Variants in SDF4 observed in about 807,000 individuals in gnomAD.
The protein encoded by SDF4 is 45 kDa calcium-binding protein.
In SDF4, 22 loss-of-function variants were observed where a neutral mutation model predicts 34.2. The observed-to-expected ratio is 0.64, with a 90% CI of 0.46 to 0.92. The LOEUF is 0.92. Ranked by LOEUF, SDF4 falls within the 40% of genes least tolerant of loss-of-function variation. The pLI is 0.00. For missense variants in SDF4, 447 were observed against 499.9 expected (o/e 0.89, Z 1.01); for synonymous variants, 236 against 203.1 (o/e 1.16, Z -1.38).
At chr1:1,224,094 A>C in intron 2 of SDF4, 126 bp from the exon 3 acceptor site, 6 of 1,506,610 alleles carry the variant, frequency 4.0e-6, no homozygotes, top group East Asian at 2.4e-5. Flanking sequence ...GACAGGCTCC[A>C]CCAGGCAACG....
intron 4 of SDF4, chr1:1,221,328 C>T (rs1277627111): frequency 6.4e-6 from 1 of 155,538 alleles, no homozygotes; most frequent in East Asian, 1.9e-4. Context: ...CCGAGCGGGT[C>T]ACTTGAACCC....
intron 2 of SDF4, among the ~76,000 whole-genome samples, chr1:1,226,677 C>T (rs376399443): frequency 2.3e-4 from 35 of 152,348 alleles, no homozygotes; most frequent in African/African-American, 8.2e-4. Context: ...GCGCAGGAGT[C>T]AGGGAGACCC....
Position 1,218,911 on chromosome 1 carries a change from C to T in SDF4, c.573G>A (p.Glu191=). Residue 191 remains glutamate (E), a synonymous_variant, in exon 5 of 7, where the codon GAG becomes GAA. Transcript: ENST00000360001. This position sits in a 1 kb window ranked among gnomAD's most constrained non-coding sequence, Gnocchi z 7.9. ...KVDEETQEVL[E]NLKDRWYQAD... The stretch of plus-strand genomic sequence containing the variant: ...CCTGGTACCAGCGGTCCTTCAGGTT[C>T]TCCAGGACTTCCTGTGCTGAGAGGG... 5.6e-6 allele frequency: 9 copies of T among 1,604,412 alleles called. 1 individual carries two copies. In the South Asian group the frequency reaches 8.9e-5, roughly 16 times the overall value.
chr1:1,217,409 G>A lies in SDF4; in HGVS notation c.*103C>T, dbSNP rs1466454986. ...GCCGCGGTCGGTCGGCCGGTGGCGG[G>A]CGGCAGGGAAGAGGTGGGGTCCGGG... On this transcript the variant is annotated 3_prime_UTR_variant, in exon 7 of 7. Coordinates refer to ENST00000360001, the MANE Select transcript of SDF4 (RefSeq NM_016176.6). This position sits in a 1 kb window ranked among gnomAD's most constrained non-coding sequence, Gnocchi z 8.5. 7.6e-5 allele frequency: 80 copies of A among 1,048,816 alleles called. No individual in the cohort carries two copies. The highest frequency in any genetic ancestry group is 9.4e-5 in the Non-Finnish European group (76 of 812,536). 65.0% of individuals were successfully genotyped at this position (1,048,816 alleles called of 1,614,324 possible). A position where few individuals can be genotyped will look rare whatever the true frequency, so the allele number is the denominator to read the frequency against.
chr1:1,220,529 A>C, intron 4 of SDF4: 1 of 1,221,072 alleles, frequency 8.2e-7, no homozygotes, highest in Non-Finnish European at 1.0e-6. Flanking sequence ...CCAAATACCC[A>C]AAGAGGTCGG....
Position 1,228,551 on chromosome 1 carries a change from G to A in SDF4, c.222C>T (p.Val74=), listed in dbSNP as rs748359705. Residue 74 remains valine, a synonymous_variant, in exon 2 of 7, where the codon GTC becomes GTT. Coordinates refer to ENST00000360001, the MANE Select transcript of SDF4 (RefSeq NM_016176.6). Reference sequence around the variant, plus strand: ...AGCCACCCAGGTCCTTGCCTAGGAAGACCTCCTGGTGGAAGCCGCGATTGA... The same window carrying A: ...AGCCACCCAGGTCCTTGCCTAGGAAAACCTCCTGGTGGAAGCCGCGATTGA... ...GHLNRGFHQE[V]FLGKDLGGFD... 2 of 1,613,064 alleles carry A rather than the reference G, an allele frequency of 1.2e-6. No homozygotes were observed. The highest frequency in any genetic ancestry group is 1.7e-6 in the Non-Finnish European group (2 of 1,179,998).
At chr1:1,231,209 G>A (rs1038473907) in intron 1 of SDF4, among the ~76,000 whole-genome samples, 1 of 152,226 alleles carries the variant, frequency 6.6e-6, no homozygotes, top group African/African-American at 2.4e-5. Context: ...CAGGTTCGCA[G>A]CACAGCGGAG....
At position 1,217,950 on chromosome 1, in the gene SDF4, AC is replaced by A; in HGVS notation, c.892-263del. On this transcript the variant is annotated intron_variant, in intron 6 of 6. Transcript: ENST00000360001. The surrounding 1 kb of genome is among the most constrained non-coding windows in gnomAD (Gnocchi z 8.5). Reference sequence around the variant, plus strand: ...GGACCCCAGTTCTGAAGGATCCCTAACCTGGGCCGGGCCCACTGGCTGTCGC... The same window carrying A: ...GGACCCCAGTTCTGAAGGATCCCTAACTGGGCCGGGCCCACTGGCTGTCGC... The A allele has an allele frequency of 1.1e-6, 1 of 916,190 alleles. No individual in the cohort carries two copies. The highest frequency in any genetic ancestry group is 1.6e-6 in the Non-Finnish European group (1 of 641,240). 56.8% of individuals were successfully genotyped at this position (916,190 alleles called of 1,614,324 possible).
At chr1:1,228,437 C>T (rs753857566) in intron 2 of SDF4, 31 bp downstream of exon 2, 5 of 1,542,520 alleles carry the variant, frequency 3.2e-6, no homozygotes, top group Non-Finnish European at 4.4e-6. Flanking sequence ...ACGCGGACAG[C>T]CCCCCAGTCT....
rs992422901 is a variant in SDF4, at chr1:1,218,039, C to A, written c.892-351G>T. Among the ~76,000 whole-genome samples, 12 of 152,336 alleles carry A rather than the reference C, an allele frequency of 7.9e-5. No individual in the cohort carries two copies. Among genetic ancestry groups the A allele is most frequent in the Admixed American group, 7.2e-4 (11 of 15,310 alleles). ...CACTCAGCAGTGGGAGAAAAACAAGCCTACACATGATACCAGTGAAAACGC... is the reference window on the plus strand; with the variant it reads ...CACTCAGCAGTGGGAGAAAAACAAGACTACACATGATACCAGTGAAAACGC... On this transcript the variant is annotated intron_variant, in intron 6 of 6. Transcript: ENST00000360001. The surrounding 1 kb of genome is among the most constrained non-coding windows in gnomAD (Gnocchi z 7.9).
chr1:1,229,158 G>T (rs77668548), intron 1 of SDF4, among the ~76,000 whole-genome samples: 13,501 of 151,904 alleles, frequency 0.089, 826 homozygotes, highest in African/African-American at 0.17. Flanking sequence ...TGGACCACAC[G>T]TGGCATTTGT....
At chr1:1,219,119 T>A in intron 4 of SDF4, 192 bp from the exon 5 acceptor site, 2 of 1,499,614 alleles carry the variant, frequency 1.3e-6, no homozygotes, top group Non-Finnish European at 1.8e-6. Context: ...CGCCAAGACA[T>A]AACCCAGAGC....
In SDF4 at chr1:1,218,701, G is replaced by T; in HGVS notation, c.715+68C>A. 1 of 1,611,358 alleles carries T rather than the reference G, an allele frequency of 6.2e-7. No individual in the cohort carries two copies. The highest frequency in any genetic ancestry group is 8.5e-7 in the Non-Finnish European group (1 of 1,178,638). On this transcript the variant is annotated intron_variant, in intron 5 of 6. Transcript: ENST00000360001. The surrounding 1 kb of genome is among the most constrained non-coding windows in gnomAD (Gnocchi z 7.9). ...CCCGCAGGACCTGCCCCGACCTCCC[G>T]ACGATGCCCGGCCCCTGCCAGTCGG...
At chr1:1,223,735 C>A in intron 3 of SDF4, 97 bp downstream of exon 3, 1 of 1,197,070 alleles carries the variant, frequency 8.4e-7, no homozygotes, top group South Asian at 1.4e-5. Flanking sequence ...CCGCCCGTCC[C>A]TCAGACAGGG....
intron 2 of SDF4, among the ~76,000 whole-genome samples, chr1:1,225,028 T>C (rs891427241): frequency 6.6e-6 from 1 of 152,134 alleles, no homozygotes; most frequent in Admixed American, 6.5e-5. Flanking sequence ...ACTTGGGGGA[T>C]AGGGACACAG....
At position 1,218,724 on chromosome 1, in the gene SDF4, C is replaced by T. The variant is rs751080431; in HGVS notation, c.715+45G>A. 28 of 1,611,840 alleles carry T rather than the reference C, an allele frequency of 1.7e-5. No homozygotes were observed. The highest frequency in any genetic ancestry group is 1.5e-4 in the South Asian group (14 of 91,000). ...CCGACGATGCCCGGCCCCTGCCAGT[C>T]GGTCCTGGGTCCTGGCGTGCCGGCC... On this transcript the variant is annotated intron_variant, in intron 5 of 6. Transcript: ENST00000360001. The surrounding 1 kb of genome is among the most constrained non-coding windows in gnomAD (Gnocchi z 7.9).
rs142693327 is a variant in SDF4 at position 1,226,375 on chromosome 1, G to A, written c.305+2093C>T. The stretch of plus-strand genomic sequence containing the variant: ...AGGAAACATGGCACCTCCCCTCTGG[G>A]GGCTCTTTCCAGAAACCCTCAACCC... On this transcript the variant is annotated intron_variant, in intron 2 of 6. Coordinates refer to ENST00000360001, the MANE Select transcript of SDF4 (RefSeq NM_016176.6). Among the ~76,000 whole-genome samples, 371 of 119,716 alleles carry A rather than the reference G, an allele frequency of 3.1e-3. 3 individuals carry two copies. Among genetic ancestry groups the A allele is most frequent in the African/African-American group, 0.012 (351 of 28,872 alleles). 78.5% of individuals were successfully genotyped at this position (119,716 alleles called of 152,430 possible).
At chr1:1,225,625 G>C (rs576835508) in intron 2 of SDF4, among the ~76,000 whole-genome samples, 1 of 152,318 alleles carries the variant, frequency 6.6e-6, no homozygotes, top group Admixed American at 6.5e-5. Flanking sequence ...CATGTGGCAG[G>C]TGGGGCACCT....
chr1:1,227,808 G>C (rs1015703581), intron 2 of SDF4, among the ~76,000 whole-genome samples: 1 of 152,184 alleles, frequency 6.6e-6, no homozygotes, highest in African/African-American at 2.4e-5. Flanking sequence ...CTCAGGGATG[G>C]GGTCGGGGGA....
Sources: allele counts gnomAD v4.1 joint callset (sites outside exome capture counted in the v4.1 genomes callset), GRCh38; gene constraint gnomAD v4.1.1; non-coding constraint Gnocchi (gnomAD v3.1); transcripts MANE v1.5; gene names NCBI Gene and HGNC (gene_info 2026-07-23, HGNC 2026-07-21).